SCMH1: variants seen among roughly 807,000 people sequenced by gnomAD.
The protein encoded by SCMH1 is polycomb protein SCMH1.
Under a neutral mutation model 70.8 loss-of-function variants are expected in SCMH1, and 37 were observed. That is an observed-to-expected ratio of 0.52 (90% CI 0.40 to 0.69). The LOEUF is 0.69. Among genes scored for constraint, SCMH1 ranks in the 30% least tolerant of loss-of-function variants. The pLI, the probability that SCMH1 is intolerant of heterozygous loss-of-function variation, is 0.00. For synonymous variants in SCMH1, 292 were observed against 307.4 expected (o/e 0.95, Z 0.52); for missense variants, 607 against 827.3 (o/e 0.73, Z 3.27).
chr1:41,129,992 G>C (rs1257568136), intron 6 of SCMH1, among the ~76,000 whole-genome samples: 4 of 151,984 alleles, frequency 2.6e-5, no homozygotes, highest in Non-Finnish European at 5.9e-5. Context: ...ATCAACACTT[G>C]TTATTTTCTG....
intron 1 of SCMH1, among the ~76,000 whole-genome samples, chr1:41,216,385 T>A (rs565597306): frequency 7.0e-4 from 106 of 152,206 alleles, no homozygotes; most frequent in Non-Finnish European, 1.4e-3. Context: ...GGATTCATTA[T>A]ATGATTCATC....
intron 1 of SCMH1, among the ~76,000 whole-genome samples, chr1:41,199,964 A>C (rs1003529533): frequency 2.0e-5 from 3 of 152,250 alleles, no homozygotes; most frequent in African/African-American, 4.8e-5. Flanking sequence ...AACAAGAAGA[A>C]GACCATCCCT....
At chr1:41,119,467 A>C (rs1671380500) in intron 6 of SCMH1, among the ~76,000 whole-genome samples, 1 of 148,786 alleles carries the variant, frequency 6.7e-6, no homozygotes, top group Admixed American at 6.8e-5. Context: ...AAAAAACCCC[A>C]CCGTAACTCC....
intron 1 of SCMH1, among the ~76,000 whole-genome samples, chr1:41,211,081 T>A (rs1469639998): frequency 6.6e-6 from 1 of 152,136 alleles, no homozygotes; most frequent in Non-Finnish European, 1.5e-5. Context: ...GTGCAGGGAT[T>A]ACAGGCGTGA....
Position 41,070,584 on chromosome 1 carries a change from T to A in SCMH1, c.1105+11A>T, listed in dbSNP as rs774162673. ...GGCTTGTGCGCAGGTAGTCCTGTCA[T>A]CTGCTCTTACCTGTTGGGGCCTGCA... is the stretch of plus-strand genomic sequence containing the variant. On this transcript the variant is annotated intron_variant, in intron 10 of 14. Coordinates refer to ENST00000337495, the Ensembl canonical transcript of SCMH1. 61 of 1,613,942 alleles carry A rather than the reference T, an allele frequency of 3.8e-5. No individual in the cohort carries two copies. The highest frequency in any genetic ancestry group is 4.6e-5 in the Non-Finnish European group (54 of 1,179,948).
intron 5 of SCMH1, among the ~76,000 whole-genome samples, chr1:41,145,703 G>A (rs574185510): frequency 2.6e-5 from 4 of 152,184 alleles, no homozygotes; most frequent in East Asian, 3.9e-4. Context: ...AATGATGTCT[G>A]GTCAAAAACA....
chr1:41,188,760 T>C (rs1190126370), intron 1 of SCMH1, among the ~76,000 whole-genome samples: 2 of 137,814 alleles, frequency 1.5e-5, no homozygotes, highest in Non-Finnish European at 3.1e-5. Context: ...ATTAAAAACT[T>C]AGTTACAAAT....
chr1:41,103,812 G>C (rs2149110888), intron 8 of SCMH1, among the ~76,000 whole-genome samples: 1 of 152,326 alleles, frequency 6.6e-6, no homozygotes, highest in Admixed American at 6.5e-5. Flanking sequence ...TTCTGGAAGA[G>C]AGATATGGAA....
intron 8 of SCMH1, among the ~76,000 whole-genome samples, chr1:41,096,958 T>C (rs1004701205): frequency 2.0e-5 from 3 of 152,178 alleles, no homozygotes; most frequent in Non-Finnish European, 2.9e-5. Context: ...AACATGCTAG[T>C]TTTTAATCAC....
chr1:41,135,188 A>G (rs917409607), intron 6 of SCMH1, among the ~76,000 whole-genome samples: 2 of 152,126 alleles, frequency 1.3e-5, no homozygotes, highest in African/African-American at 4.8e-5. Flanking sequence ...ACACAGTTCT[A>G]TGTGTCTCAT....
intron 3 of SCMH1, 79 bp downstream of exon 3, chr1:41,161,285 A>G (rs1279222087): frequency 2.6e-6 from 4 of 1,541,800 alleles, no homozygotes; most frequent in African/African-American, 2.8e-5. Context: ...GTAAACTCAG[A>G]CCTCTAACAA....
intron 1 of SCMH1, among the ~76,000 whole-genome samples, chr1:41,199,253 G>T (rs1031133200): frequency 6.6e-6 from 1 of 152,094 alleles, no homozygotes; most frequent in Non-Finnish European, 1.5e-5. Flanking sequence ...AACCAAGAAA[G>T]AGCACATTAC....
chr1:41,182,906 C>A (rs531967012), intron 2 of SCMH1, among the ~76,000 whole-genome samples: 1 of 152,108 alleles, frequency 6.6e-6, no homozygotes, highest in African/African-American at 2.4e-5. Flanking sequence ...AATCAGGCAA[C>A]TGTCCCAAAA....
chr1:41,071,104 C>CA lies in SCMH1; in HGVS notation c.979-384dup, dbSNP rs895617402. On this transcript the variant is annotated intron_variant, in intron 9 of 14. Transcript: ENST00000337495. The stretch of plus-strand genomic sequence containing the variant: ...TTCTCTCTTTAAAAATGGAAACAAA[C>CA]AAAAAAAAATAGAAATGACCCTTCT... Among the ~76,000 whole-genome samples, 22 of 150,576 alleles carry CA rather than the reference C, an allele frequency of 1.5e-4. 1 individual carries two copies. Among genetic ancestry groups the CA allele is most frequent in the East Asian group, 3.9e-4 (2 of 5,142 alleles).
chr1:41,183,332 G>T (rs1043380408), intron 2 of SCMH1, among the ~76,000 whole-genome samples: 1 of 152,140 alleles, frequency 6.6e-6, no homozygotes, highest in Non-Finnish European at 1.5e-5. Context: ...GATAAAACAT[G>T]TCACTACCCC....
chr1:41,115,792 T>C (rs1248415612), intron 7 of SCMH1, among the ~76,000 whole-genome samples: 2 of 152,228 alleles, frequency 1.3e-5, no homozygotes, highest in African/African-American at 4.8e-5. Flanking sequence ...TCTTTTATTT[T>C]CTTTTTTAAA....
At chr1:41,181,712 C>T (rs1362658015) in intron 2 of SCMH1, among the ~76,000 whole-genome samples, 2 of 152,048 alleles carry the variant, frequency 1.3e-5, no homozygotes, top group African/African-American at 4.8e-5. Flanking sequence ...GGTGCTGGAG[C>T]GGATGTGGAG....
chr1:41,170,583 C>T (rs966383444), intron 2 of SCMH1, among the ~76,000 whole-genome samples: 3 of 152,154 alleles, frequency 2.0e-5, no homozygotes, highest in Non-Finnish European at 2.9e-5. Flanking sequence ...AGGTCATTTG[C>T]CACCAGCATT....
chr1:41,196,591 A>C (rs1040254815), intron 1 of SCMH1, among the ~76,000 whole-genome samples: 2 of 152,214 alleles, frequency 1.3e-5, no homozygotes, highest in South Asian at 4.1e-4. Flanking sequence ...TAAAACTATA[A>C]AACTCTTAGA....
Sources: allele counts gnomAD v4.1 joint callset (sites outside exome capture counted in the v4.1 genomes callset), GRCh38; gene constraint gnomAD v4.1.1; transcripts MANE v1.5; gene names NCBI Gene and HGNC (gene_info 2026-07-23, HGNC 2026-07-21).